SLC22A12: variants seen among roughly 807,000 people sequenced by gnomAD.
The protein encoded by SLC22A12 is organic anion transporter 4-like protein.
Under a neutral mutation model 52.7 loss-of-function variants are expected in SLC22A12, and 56 were observed. The observed-to-expected ratio is 1.06, with a 90% CI of 0.86 to 1.33. The LOEUF (loss-of-function observed/expected upper bound fraction) is 1.33. SLC22A12 is among the 40% of genes most tolerant of loss of function. SLC22A12 has a pLI of 0.00. For missense variants in SLC22A12, 683 were observed against 741.5 expected (o/e 0.92, Z 0.92); for synonymous variants, 337 against 324.6 (o/e 1.04, Z -0.41).
rs759664239 is a variant in SLC22A12 at position 64,593,485 on chromosome 11, T to G, written c.587T>G (p.Phe196Cys). Residue 196 changes from phenylalanine to cysteine, a missense_variant, in exon 3 of 10, where the codon TTC (phenylalanine) becomes TGC (cysteine). Coordinates refer to ENST00000377574, the MANE Select transcript of SLC22A12 (RefSeq NM_144585.4). ...MGTAAAFAPA[F>C]PVYCLFRFLL... The stretch of plus-strand genomic sequence containing the variant: ...ACGGCAGCTGCCTTCGCCCCTGCCT[T>G]CCCCGTGTACTGCCTGTTCCGCTTC... 7 of 1,614,058 alleles carry G rather than the reference T, an allele frequency of 4.3e-6. No homozygotes were observed. Among genetic ancestry groups the G allele is most frequent in the Non-Finnish European group, 5.9e-6 (7 of 1,180,058 alleles).
At chr11:64,597,685 G>A (rs2039293802) in intron 4 of SLC22A12, among the ~76,000 whole-genome samples, 1 of 152,252 alleles carries the variant, frequency 6.6e-6, no homozygotes, top group Admixed American at 6.5e-5. Flanking sequence ...GCTCATAGGG[G>A]ACAACACGTC....
chr11:64,600,295 C>T, intron 7 of SLC22A12, 72 bp from the exon 8 acceptor site: 2 of 1,206,462 alleles, frequency 1.7e-6, no homozygotes, highest in Non-Finnish European at 2.4e-6. Context: ...GGACAAGCCC[C>T]CTGGGCTGAA....
In SLC22A12 at chr11:64,591,892, C is replaced by T. The variant is rs1391005709; in HGVS notation, c.336C>T (p.Asp112=). 2 of 1,612,686 alleles carry T rather than the reference C, an allele frequency of 1.2e-6. No homozygotes were observed. The highest frequency in any genetic ancestry group is 1.7e-6 in the Non-Finnish European group (2 of 1,180,026). Residue 112 remains aspartate, a synonymous_variant, in exon 1 of 10, where the codon GAC becomes GAT. Coordinates refer to ENST00000377574, the MANE Select transcript of SLC22A12 (RefSeq NM_144585.4). ...NATATSWSEA[D]TEPCVDGWVY... is the part of the protein sequence containing the mutation. The stretch of plus-strand genomic sequence containing the variant: ...CGGCCACCAGCTGGAGCGAGGCCGA[C>T]ACGGAGCCGTGTGTGGATGGCTGGG...
At chr11:64,593,590 G>A in intron 3 of SLC22A12, 31 bp downstream of exon 3, 2 of 1,614,144 alleles carry the variant, frequency 1.2e-6, no homozygotes, top group Non-Finnish European at 1.7e-6. Context: ...CATGCAGGGG[G>A]GCTCCATGCA....
rs1429809090 is a variant in SLC22A12, at chr11:64,599,735, A to T, written c.1130A>T (p.Asn377Ile). The change falls in exon 7 of 10, where the codon AAC becomes ATC. Residue 377 changes from asparagine to isoleucine, a missense_variant. Transcript: ENST00000377574. ...CTGGACCTGCAGGCCCTGGGCAGCAACATCTTCCTGCTCCAAATGTTCATT... is the reference window on the plus strand; with the variant it reads ...CTGGACCTGCAGGCCCTGGGCAGCATCATCTTCCTGCTCCAAATGTTCATT... ...LALDLQALGS[N>I]IFLLQMFIGV... 3.7e-6 allele frequency: 6 copies of T among 1,610,056 alleles called. No homozygotes were observed. The highest frequency in any genetic ancestry group is 2.7e-5 in the African/African-American group (2 of 74,326).
Position 64,593,414 on chromosome 11 carries a change from C to T in SLC22A12, c.516C>T (p.Arg172=). 6.2e-7 allele frequency: 1 copy of T among 1,614,148 alleles called. No homozygotes were observed. Among genetic ancestry groups the T allele is most frequent in the Non-Finnish European group, 8.5e-7 (1 of 1,180,044 alleles). ...CTGGTTTGTGCCGCAGGTTTGGGCG[C>T]AGGCTGGTGCTAACCTGGAGCTACC... ...ACGPASDRFG[R]RLVLTWSYLQ... is the part of the protein sequence containing the mutation. The change falls in exon 3 of 10, where the codon CGC becomes CGT. Residue 172 remains arginine, a synonymous_variant. Coordinates refer to ENST00000377574, the MANE Select transcript of SLC22A12 (RefSeq NM_144585.4).
chr11:64,595,832 A>AATGGATGGTTGG (rs765174575), intron 4 of SLC22A12, among the ~76,000 whole-genome samples: 1 of 129,584 alleles, frequency 7.7e-6, no homozygotes, highest in African/African-American at 3.0e-5. Flanking sequence ...TGGACGGTTG[A>AATGGATGGTTGG]ATGGATGGAT....
Position 64,601,563 on chromosome 11 carries a change from A to G in SLC22A12, c.*12A>G. 1 of 1,613,656 alleles carries G rather than the reference A, an allele frequency of 6.2e-7. No homozygotes were observed. Among genetic ancestry groups the G allele is most frequent in the Non-Finnish European group, 8.5e-7 (1 of 1,179,758 alleles). ...CCACACAGTTTTAGCCTCCTGGGGA[A>G]CCTGCGATGGGACGGTCAGAGGAAG... On this transcript the variant is annotated 3_prime_UTR_variant, in exon 10 of 10. Transcript: ENST00000377574.
At position 64,595,355 on chromosome 11, in the gene SLC22A12, ATGG is replaced by A. The variant is rs2039122648; in HGVS notation, c.830+1553_830+1555del. ...GATGGTTGAATGGATGGTTGAATGG[ATGG>A]ATGGATGGATGGATGGATGGATGGA... is the stretch of plus-strand genomic sequence containing the variant. On this transcript the variant is annotated intron_variant, in intron 4 of 9. Coordinates refer to ENST00000377574, the MANE Select transcript of SLC22A12 (RefSeq NM_144585.4). Among the ~76,000 whole-genome samples the A allele has an allele frequency of 8.3e-4, 2 of 2,404 alleles. 1 individual carries two copies. Among genetic ancestry groups the A allele is most frequent in the Non-Finnish European group, 4.4e-3 (2 of 452 alleles). The allele number at this position is 2,404 out of a possible 152,430, so 1.6% of individuals were successfully genotyped here. A position where few individuals can be genotyped will look rare whatever the true frequency, so the allele number is the denominator to read the frequency against.
Position 64,600,938 on chromosome 11 carries a change from A to G in SLC22A12, c.1598A>G (p.Gln533Arg). 2 of 1,607,776 alleles carry G rather than the reference A, an allele frequency of 1.2e-6. No individual in the cohort carries two copies. Among genetic ancestry groups the G allele is most frequent in the Non-Finnish European group, 1.7e-6 (2 of 1,179,962 alleles). The change falls in exon 9 of 10, where the codon CAG becomes CGG. Residue 533 changes from glutamine (Q) to arginine (R), a missense_variant and splice_region_variant. By Grantham distance (43) the Gln-to-Arg change is conservative. Transcript: ENST00000377574. The stretch of plus-strand genomic sequence containing the variant: ...GACACCATCCAAGATGTGCAGAACC[A>G]GTGAGTGGACCCAGCCTCGGGACCA... Reference protein sequence around the residue: ...LPDTIQDVQNQAVKKATHGTL... With the variant: ...LPDTIQDVQNRAVKKATHGTL...
At chr11:64,598,400 A>G in intron 4 of SLC22A12, 116 bp from the exon 5 acceptor site, 1 of 1,461,630 alleles carries the variant, frequency 6.8e-7, no homozygotes, top group Non-Finnish European at 9.3e-7. Context: ...CGGGGTCCTC[A>G]GCCGCCCTAA....
chr11:64,601,429 G>T, intron 9 of SLC22A12, 59 bp from the exon 10 acceptor site: 1 of 1,569,974 alleles, frequency 6.4e-7, no homozygotes, highest in Non-Finnish European at 8.7e-7. Context: ...ATGGACACAG[G>T]TCAAGGGTCA....
intron 1 of SLC22A12, among the ~76,000 whole-genome samples, chr11:64,592,364 G>A (rs1358933639): frequency 1.3e-5 from 2 of 152,050 alleles, no homozygotes; most frequent in Non-Finnish European, 2.9e-5. Context: ...CCTCCCAGAT[G>A]GGGCGCCAGG....
intron 4 of SLC22A12, among the ~76,000 whole-genome samples, chr11:64,595,388 T>C (rs1314984271): frequency 5.3e-4 from 59 of 111,654 alleles, no homozygotes; most frequent in Non-Finnish European, 6.2e-4. Context: ...GATGGATGGA[T>C]GGATGGACGG....
intron 1 of SLC22A12, 64 bp from the exon 2 acceptor site, chr11:64,592,704 CTCCCATGCGGT>C (rs2038958804): frequency 1.6e-6 from 2 of 1,259,118 alleles, no homozygotes; most frequent in Admixed American, 1.7e-5. Flanking sequence ...CCTGGGGGCC[CTCCCATGCGGT>C]TCCTCTGCCT....
rs747221774 is a variant in SLC22A12 at position 64,599,674 on chromosome 11, A to C, written c.1071-2A>C. 3.1e-6 allele frequency: 4 copies of C among 1,281,972 alleles called. No homozygotes were observed. The South Asian group carries it at 5.2e-5, about 17-fold the overall frequency. 79.4% of individuals were successfully genotyped at this position (1,281,972 alleles called of 1,614,324 possible). On this transcript the variant is annotated splice_acceptor_variant, in intron 6 of 9. Coordinates refer to ENST00000377574, the MANE Select transcript of SLC22A12 (RefSeq NM_144585.4). LOFTEE classifies it high-confidence loss of function. Reference sequence around the variant, plus strand: ...CCCTGACTTCCCTGACCCCTGCCCCAGGTTCGCCTTTGGCTTCACCTTCTT... The same window carrying C: ...CCCTGACTTCCCTGACCCCTGCCCCCGGTTCGCCTTTGGCTTCACCTTCTT...
chr11:64,597,998 CGG>C (rs1249432078), intron 4 of SLC22A12, among the ~76,000 whole-genome samples: 1 of 152,094 alleles, frequency 6.6e-6, no homozygotes, highest in Non-Finnish European at 1.5e-5. Context: ...GCCTGAGCCC[CGG>C]GGTGGCTGTG....
intron 4 of SLC22A12, among the ~76,000 whole-genome samples, chr11:64,595,994 A>ATGG (rs1554987765): frequency 2.9e-5 from 1 of 34,058 alleles, no homozygotes; most frequent in African/African-American, 5.9e-5. Context: ...GAATAGATGG[A>ATGG]ATGGATGGAT....
intron 8 of SLC22A12, 28 bp from the exon 9 acceptor site, chr11:64,600,707 G>A (rs1481934799): frequency 6.2e-7 from 1 of 1,602,588 alleles, no homozygotes; most frequent in Non-Finnish European, 8.5e-7. Context: ...CACAGACCAG[G>A]CGCTTATAGG....
Sources: gnomAD v4.1 joint callset for allele counts (sites outside exome capture counted in the v4.1 genomes callset) on GRCh38, gnomAD v4.1.1 for gene constraint, MANE v1.5 for transcripts, NCBI Gene and HGNC (gene_info 2026-07-23, HGNC 2026-07-21) for gene names.